The following DSPP variants were observed in gnomAD, a reference collection of about 807,000 sequenced individuals.
The protein encoded by DSPP is deafness, autosomal dominant 39.
Under a neutral mutation model 29.1 loss-of-function variants are expected in DSPP, and 28 were observed. The ratio of observed to expected loss-of-function variants is 0.96; its 90% CI spans 0.71 to 1.32. The LOEUF (loss-of-function observed/expected upper bound fraction) is 1.32, where lower values mean the gene tolerates loss of function less well. Among genes scored for constraint, DSPP ranks in the 40% most tolerant of loss-of-function variants. DSPP has a pLI of 0.00. For synonymous variants in DSPP, 481 were observed against 503.4 expected (o/e 0.96, Z 0.60); for missense variants, 1,281 against 1,629.9 (o/e 0.79, Z 3.69).
In DSPP at chr4:87,612,177, G is replaced by A. The variant is rs923545944; in HGVS notation, c.124G>A (p.Val42Met). ...MNLHLLARSN[V>M]SVQDELNASG... is the part of the protein sequence containing the mutation. ...TTTGCATCTCCTAGCAAGATCAAAT[G>A]TGTCAGTACAGGTATAGGATGTAAT... Residue 42 changes from valine to methionine, a missense_variant, in exon 3 of 5, where the codon GTG becomes ATG. By Grantham distance (21) the Val-to-Met change is conservative. Transcript: ENST00000651931. The A allele has an allele frequency of 6.2e-7, 1 of 1,613,950 alleles. No individual in the cohort carries two copies. The highest frequency in any genetic ancestry group is 1.3e-5 in the African/African-American group (1 of 74,950).
At position 87,616,592 on chromosome 4, in the gene DSPP, T is replaced by C. The variant is rs1727962572; in HGVS notation, c.*24T>C. On this transcript the variant is annotated 3_prime_UTR_variant, in exon 5 of 5. Transcript: ENST00000651931. ...AGAACAAAAGAAAAACCCGTAAGAT[T>C]CCTTTTGTGAAAAGTTTGGTAATGG... 1 of 1,551,598 alleles carries C rather than the reference T, an allele frequency of 6.4e-7. No individual in the cohort carries two copies. Among genetic ancestry groups the C allele is most frequent in the African/African-American group, 1.4e-5 (1 of 73,060 alleles).
rs1727962829 is a variant in DSPP, at chr4:87,616,607, T to C, written c.*39T>C. The C allele has an allele frequency of 6.4e-7, 1 of 1,551,526 alleles. No homozygotes were observed. The highest frequency in any genetic ancestry group is 8.7e-7 in the Non-Finnish European group (1 of 1,146,984). ...CCCGTAAGATTCCTTTTGTGAAAAG[T>C]TTGGTAATGGGATAGGAAAAAAAGA... On this transcript the variant is annotated 3_prime_UTR_variant, in exon 5 of 5. Coordinates refer to ENST00000651931, the MANE Select transcript of DSPP (RefSeq NM_014208.3).
At chr4:87,611,461 G>A (rs1727733417) in intron 2 of DSPP, among the ~76,000 whole-genome samples, 1 of 151,832 alleles carries the variant, frequency 6.6e-6, no homozygotes, top group African/African-American at 2.4e-5. Flanking sequence ...TTATTTATGT[G>A]CTCACTGTGG....
Position 87,616,028 on chromosome 4 carries a change from T to C in DSPP, c.3366T>C (p.Asn1122=), listed in dbSNP as rs534854783. The stretch of plus-strand genomic sequence containing the variant: ...GCAGTGACAGCAGTGACAGCAGCAA[T>C]AGCAGTGACAGCAGTGACAGCAGCG... The part of the protein sequence containing the change: ...SDSSDSSDSS[N]SSDSSDSSDS... The change falls in exon 5 of 5, where the codon AAT becomes AAC. Residue 1122 remains asparagine (N), a synonymous_variant. Coordinates refer to ENST00000651931, the MANE Select transcript of DSPP (RefSeq NM_014208.3). 185 of 373,874 alleles carry C rather than the reference T, an allele frequency of 4.9e-4. 34 individuals are homozygous for C. The East Asian group carries it at 5.0e-3, about 10-fold the overall frequency. 23.2% of individuals were successfully genotyped at this position (373,874 alleles called of 1,614,324 possible).
At position 87,608,585 on chromosome 4, in the gene DSPP, T is replaced by C. The variant is rs1199960134; in HGVS notation, c.-64T>C. The C allele has an allele frequency of 6.6e-6, 1 of 152,182 alleles. No homozygotes were observed. Among genetic ancestry groups the C allele is most frequent in the Non-Finnish European group, 1.5e-5 (1 of 68,028 alleles). The allele number at this position is 152,182 out of a possible 1,614,324, so 9.4% of individuals were successfully genotyped here. ...AGTCTTCAAAGAGAAAGATAAGAAA[T>C]TCTGGATTTTCAAAATCCTTTTGAA... On this transcript the variant is annotated 5_prime_UTR_variant, in exon 1 of 5. Transcript: ENST00000651931.
chr4:87,613,858 A>G lies in DSPP; in HGVS notation c.1196A>G (p.Lys399Arg), dbSNP rs879330852. ...GAAGTTGGGAAAGGCAACGAAGGTA[A>G]AGAGGATAAAGGACAACATGGAATG... is the stretch of plus-strand genomic sequence containing the variant. ...TKEVGKGNEG[K>R]EDKGQHGMIL... Residue 399 changes from lysine (K) to arginine (R), a missense_variant, in exon 5 of 5, where the codon AAA becomes AGA. Lys to Arg is a conservative substitution (Grantham distance 26). This residue lies in a region of DSPP where 631 missense variants were observed against 643.2 expected (regional missense o/e 0.98). Transcript: ENST00000651931. The G allele has an allele frequency of 1.6e-5, 26 of 1,614,222 alleles. No individual in the cohort carries two copies. The highest frequency in any genetic ancestry group is 2.1e-5 in the Non-Finnish European group (25 of 1,180,034).
rs1187770925 is a variant in DSPP at position 87,614,548 on chromosome 4, CAG to C, written c.1891_1892del (p.Ser631ArgfsTer4). ...GACAGCAAGTCAGACAGCAGCAAAT[CAG>C]AGAGCGACAGCAGTGATAGTGACAG... On this transcript the variant is annotated frameshift_variant, in exon 5 of 5. Coordinates refer to ENST00000651931, the MANE Select transcript of DSPP (RefSeq NM_014208.3). LOFTEE classifies it low-confidence loss of function (END_TRUNC). 1.3e-6 allele frequency: 2 copies of C among 1,545,382 alleles called. No homozygotes were observed. Among genetic ancestry groups the C allele is most frequent in the Non-Finnish European group, 1.7e-6 (2 of 1,145,410 alleles).
chr4:87,616,870 A>T lies in DSPP; in HGVS notation c.*302A>T. On this transcript the variant is annotated 3_prime_UTR_variant, in exon 5 of 5. Coordinates refer to ENST00000651931, the MANE Select transcript of DSPP (RefSeq NM_014208.3). Reference sequence around the variant, plus strand: ...TAAAATATTCTTTAATACTTCACACAGAAACCTCAAGTAATCACTACATGA... The same window carrying T: ...TAAAATATTCTTTAATACTTCACACTGAAACCTCAAGTAATCACTACATGA... The T allele has an allele frequency of 1.7e-6, 1 of 578,682 alleles. No homozygotes were observed. Among genetic ancestry groups the T allele is most frequent in the Non-Finnish European group, 3.0e-6 (1 of 329,256 alleles). 35.8% of individuals were successfully genotyped at this position (578,682 alleles called of 1,614,324 possible). A position where few individuals can be genotyped will look rare whatever the true frequency, so the allele number is the denominator to read the frequency against.
Position 87,614,674 on chromosome 4 carries a change from G to A in DSPP, c.2012G>A (p.Ser671Asn), listed in dbSNP as rs200839637. The A allele has an allele frequency of 9.5e-3, 14,672 of 1,542,284 alleles. 100 individuals are homozygous for A. The highest frequency in any genetic ancestry group is 0.011 in the Non-Finnish European group (13,023 of 1,139,948). ...AGTAACAGCAGTGATAGTAGTGACA[G>A]CAGTGATAGCAGTGACAGCAGCAGT... ...NSSNSSDSSD[S>N]SDSSDSSSSS... The change falls in exon 5 of 5, where the codon AGC becomes AAC. Residue 671 changes from serine (S) to asparagine (N), a missense_variant. Around this residue, in one of 4 missense-constraint regions of DSPP, gnomAD observed 444 missense variants for 611.4 expected, o/e 0.73. Transcript: ENST00000651931.
rs763850537 is a variant in DSPP, at chr4:87,613,131, T to C, written c.945T>C (p.Asn315=). The C allele has an allele frequency of 6.2e-7, 1 of 1,614,108 alleles. No individual in the cohort carries two copies. Residue 315 remains asparagine (N), a synonymous_variant, in exon 4 of 5, where the codon AAT becomes AAC. Transcript: ENST00000651931. ...YDPEGKEDPH[N]EVDGDKTSKS... ...CTGAAGGCAAAGAAGATCCCCATAA[T>C]GAAGTTGATGGAGACAAGACCTCCA...
Position 87,613,237 on chromosome 4 carries a change from GAA to G in DSPP, c.1053_1054del (p.Ser352GlnfsTer6), listed in dbSNP as rs759290808. 2.5e-6 allele frequency: 4 copies of G among 1,613,846 alleles called. No individual in the cohort carries two copies. The East Asian group carries it at 8.9e-5, about 36-fold the overall frequency. Reference sequence around the variant, plus strand: ...GGACACCCAGAAGCTCAACCATAGAGAAAGCAAACGCGTAGAAAATAGAATCA... The same window carrying G: ...GGACACCCAGAAGCTCAACCATAGAGAGCAAACGCGTAGAAAATAGAATCA... ...IEDTQKLNHR[E>X]SKRVENRITK... is the part of the protein sequence containing the mutation. On this transcript the variant is annotated frameshift_variant, in exon 4 of 5. Transcript: ENST00000651931. LOFTEE classifies it high-confidence loss of function.
chr4:87,615,349 ATAG>A lies in DSPP; in HGVS notation c.2688_2690del (p.Ser898del), dbSNP rs1196523045. 4.6e-6 allele frequency: 7 copies of A among 1,525,490 alleles called. No individual in the cohort carries two copies. The Admixed American group carries it at 6.2e-5, about 14-fold the overall frequency. 94.5% of individuals were successfully genotyped at this position (1,525,490 alleles called of 1,614,324 possible). A position where few individuals can be genotyped will look rare whatever the true frequency, so the allele number is the denominator to read the frequency against. On this transcript the variant is annotated inframe_deletion, in exon 5 of 5. Coordinates refer to ENST00000651931, the MANE Select transcript of DSPP (RefSeq NM_014208.3). ...AGCAGCAATAGCAGTGACAGCAGTG[ATAG>A]CAGCAACAGCAGTGATAGTGACAGC...
At position 87,613,135 on chromosome 4, in the gene DSPP, G is replaced by A. The variant is rs1358082227; in HGVS notation, c.949G>A (p.Val317Ile). The change falls in exon 4 of 5, where the codon GTT (valine) becomes ATT (isoleucine). Residue 317 changes from valine to isoleucine, a missense_variant. This residue lies in a region of DSPP where 631 missense variants were observed against 643.2 expected (regional missense o/e 0.98). Coordinates refer to ENST00000651931, the MANE Select transcript of DSPP (RefSeq NM_014208.3). ...PEGKEDPHNE[V>I]DGDKTSKSEE... ...AGGCAAAGAAGATCCCCATAATGAA[G>A]TTGATGGAGACAAGACCTCCAAGAG... The A allele has an allele frequency of 2.5e-6, 4 of 1,614,052 alleles. No homozygotes were observed. The highest frequency in any genetic ancestry group is 1.7e-6 in the Non-Finnish European group (2 of 1,180,044).
At chr4:87,610,852 T>C in intron 1 of DSPP, 29 bp from the exon 2 acceptor site, 1 of 1,443,778 alleles carries the variant, frequency 6.9e-7, no homozygotes, top group Admixed American at 1.7e-5. Context: ...ACTTTATAAG[T>C]AATTTTGTGC....
At position 87,616,430 on chromosome 4, in the gene DSPP, T is replaced by C. The variant is rs1249813938; in HGVS notation, c.3768T>C (p.Ser1256=). 2.6e-6 allele frequency: 4 copies of C among 1,550,892 alleles called. No individual in the cohort carries two copies. The highest frequency in any genetic ancestry group is 1.4e-5 in the African/African-American group (1 of 72,844). ...SSNSSDSSDS[S]DSSDSTSDSN... ...ACAGCAGTGACAGCAGCGACAGCAG[T>C]GATAGCAGTGACAGCACATCTGACA... The change falls in exon 5 of 5, where the codon AGT becomes AGC. Residue 1256 remains serine (S), a synonymous_variant. Transcript: ENST00000651931.
In DSPP at chr4:87,613,258, A is replaced by G. The variant is rs765777745; in HGVS notation, c.1072A>G (p.Arg358Gly). The G allele has an allele frequency of 3.7e-6, 6 of 1,613,772 alleles. No individual in the cohort carries two copies. Among genetic ancestry groups the G allele is most frequent in the Non-Finnish European group, 3.4e-6 (4 of 1,180,046 alleles). Reference protein sequence around the residue: ...NHRESKRVENRITKESETHAV... With the variant: ...NHRESKRVENGITKESETHAV... ...TAGAGAAAGCAAACGCGTAGAAAAT[A>G]GAATCACCAAAGAATCAGAGACACA... The change falls in exon 4 of 5, where the codon AGA (arginine) becomes GGA (glycine). Residue 358 changes from arginine (R) to glycine (G), a missense_variant. Transcript: ENST00000651931.
At position 87,613,040 on chromosome 4, in the gene DSPP, A is replaced by G. The variant is rs1169551442; in HGVS notation, c.854A>G (p.His285Arg). Residue 285 changes from histidine to arginine, a missense_variant, in exon 4 of 5, where the codon CAT (histidine) becomes CGT (arginine). His to Arg is a conservative substitution (Grantham distance 29, BLOSUM62 0). This residue lies in a region of DSPP where 631 missense variants were observed against 643.2 expected (regional missense o/e 0.98). Coordinates refer to ENST00000651931, the MANE Select transcript of DSPP (RefSeq NM_014208.3). ...NNSKGQEGQDHGKEDDHDSSI... is the reference protein window; with the variant it reads ...NNSKGQEGQDRGKEDDHDSSI... Reference sequence around the variant, plus strand: ...AGCAAGGGCCAGGAGGGCCAGGACCATGGGAAAGAAGATGATCATGATAGT... The same window carrying G: ...AGCAAGGGCCAGGAGGGCCAGGACCGTGGGAAAGAAGATGATCATGATAGT... The G allele has an allele frequency of 1.2e-6, 2 of 1,614,196 alleles. No individual in the cohort carries two copies. The highest frequency in any genetic ancestry group is 1.1e-5 in the South Asian group (1 of 91,080).
chr4:87,611,297 T>C (rs1578139794), intron 2 of DSPP, among the ~76,000 whole-genome samples: 1 of 152,156 alleles, frequency 6.6e-6, no homozygotes, highest in Non-Finnish European at 1.5e-5. Context: ...TGCCCAGAAG[T>C]CATGGAGACT....
chr4:87,612,074 T>G, intron 2 of DSPP, 31 bp from the exon 3 acceptor site: 1 of 1,606,328 alleles, frequency 6.2e-7, no homozygotes, highest in Non-Finnish European at 8.5e-7. Flanking sequence ...AATAAGAACC[T>G]TTTCAATAGC....
Sources: allele counts gnomAD v4.1 joint callset (sites outside exome capture counted in the v4.1 genomes callset), GRCh38; gene constraint gnomAD v4.1.1; regional missense constraint gnomAD v4.1.1; transcripts MANE v1.5; gene names NCBI Gene and HGNC (gene_info 2026-07-23, HGNC 2026-07-21).